OXR1: variants seen among roughly 807,000 people sequenced by gnomAD.
OXR1 encodes oxidation resistance 1, also known as oxidation resistance protein 1.
Under a neutral mutation model 104.6 loss-of-function variants are expected in OXR1, and 41 were observed. The observed-to-expected ratio is 0.39, with a 90% CI of 0.31 to 0.51. The LOEUF (loss-of-function observed/expected upper bound fraction) is 0.51, where lower values mean the gene tolerates loss of function less well. Among genes scored for constraint, OXR1 ranks in the 20% least tolerant of loss-of-function variants. The pLI, the probability that OXR1 is intolerant of heterozygous loss-of-function variation, is 0.77. For synonymous variants in OXR1, 348 were observed against 348.4 expected, an observed-to-expected ratio of 1.00 and a Z score of 0.01; for missense variants, 955 against 1,031.9, an observed-to-expected ratio of 0.93 and a Z score of 1.02.
chr8:106,493,155 G>A (rs1399885309), intron 2 of OXR1, among the ~76,000 whole-genome samples: 1 of 152,110 alleles, frequency 6.6e-6, no homozygotes, highest in Non-Finnish European at 1.5e-5. Flanking sequence ...TAGCTAACTG[G>A]TGGGGACCTT....
chr8:106,466,444 A>G (rs192813550), intron 2 of OXR1, among the ~76,000 whole-genome samples: 69 of 151,906 alleles, frequency 4.5e-4, no homozygotes, highest in African/African-American at 1.6e-3. Context: ...GTGTAGTTTG[A>G]TCATGCTCGT....
At chr8:106,495,371 T>C (rs1811347219) in intron 2 of OXR1, among the ~76,000 whole-genome samples, 1 of 152,060 alleles carries the variant, frequency 6.6e-6, no homozygotes, top group African/African-American at 2.4e-5. Flanking sequence ...ATTCTATAAA[T>C]AGAGAGAGAA....
chr8:106,716,972 G>A (rs1364649424), intron 11 of OXR1, among the ~76,000 whole-genome samples: 2 of 152,082 alleles, frequency 1.3e-5, no homozygotes, highest in African/African-American at 4.8e-5. Context: ...TGGATCACGA[G>A]GTCAGGAGTT....
intron 14 of OXR1, among the ~76,000 whole-genome samples, chr8:106,740,970 GA>G (rs1255990848): frequency 2.6e-5 from 4 of 152,082 alleles, no homozygotes; most frequent in African/African-American, 9.7e-5. Flanking sequence ...AAACTAATGA[GA>G]AGGTAAAATA....
chr8:106,288,590 A>AC (rs199531861), intron 1 of OXR1, among the ~76,000 whole-genome samples: 15,565 of 137,862 alleles, frequency 0.11, 2,353 homozygotes, highest in African/African-American at 0.35. Context: ...GTATATACAC[A>AC]CCATATATAT....
chr8:106,508,365 A>T (rs1812304632), intron 2 of OXR1, among the ~76,000 whole-genome samples: 1 of 152,162 alleles, frequency 6.6e-6, no homozygotes, highest in Non-Finnish European at 1.5e-5. Context: ...TTTTTTTCTG[A>T]ATAAAGTCTG....
At chr8:106,457,826 G>T (rs190327005) in intron 2 of OXR1, among the ~76,000 whole-genome samples, 32 of 152,272 alleles carry the variant, frequency 2.1e-4, no homozygotes, top group Non-Finnish European at 4.1e-4. Context: ...TGGCTGAATT[G>T]TGTCCGTGCC....
chr8:106,538,547 A>G (rs1814719423), intron 3 of OXR1, among the ~76,000 whole-genome samples: 1 of 152,082 alleles, frequency 6.6e-6, no homozygotes, highest in African/African-American at 2.4e-5. Context: ...TTTATTGCTC[A>G]TTCATAATTC....
chr8:106,630,223 AT>A (rs1335806739), intron 3 of OXR1, among the ~76,000 whole-genome samples: 3 of 152,188 alleles, frequency 2.0e-5, no homozygotes, highest in African/African-American at 7.2e-5. Context: ...CCGTTTCTTT[AT>A]CTGCAATGTG....
intron 3 of OXR1, among the ~76,000 whole-genome samples, chr8:106,521,575 C>T (rs370747204): frequency 3.9e-4 from 60 of 152,178 alleles, no homozygotes; most frequent in African/African-American, 1.3e-3. Flanking sequence ...TTCAGTGGTG[C>T]GATCTCGGCT....
Position 106,657,867 on chromosome 8 carries a change from C to G in OXR1, c.221-21343C>G, listed in dbSNP as rs1477278629. 4.8e-6 allele frequency: 6 copies of G among 1,241,302 alleles called. No individual in the cohort carries two copies. In the South Asian group the frequency reaches 2.5e-4, roughly 53 times the overall value. The allele number at this position is 1,241,302 out of a possible 1,614,324, so 76.9% of individuals were successfully genotyped here. A position where few individuals can be genotyped will look rare whatever the true frequency, so the allele number is the denominator to read the frequency against. The stretch of plus-strand genomic sequence containing the variant: ...CTCCTCCTCCCCGCCTCTTGTGAGG[C>G]GCGCGGAGCCGCCTCCCCTGGGTCA... On this transcript the variant is annotated intron_variant, in intron 3 of 16. Coordinates refer to ENST00000517566, the MANE Select transcript of OXR1 (RefSeq NM_001198533.2).
At chr8:106,739,674 G>A in intron 13 of OXR1, 91 bp downstream of exon 13, 2 of 1,205,508 alleles carry the variant, frequency 1.7e-6, no homozygotes, top group South Asian at 2.7e-5. Flanking sequence ...TGAAGCAACA[G>A]CGTTAATGCT....
intron 2 of OXR1, among the ~76,000 whole-genome samples, chr8:106,448,533 T>C (rs905835895): frequency 2.6e-5 from 4 of 152,262 alleles, no homozygotes; most frequent in African/African-American, 9.6e-5. Context: ...TTTAAAATAA[T>C]CTAAAATTAC....
chr8:106,504,550 A>G (rs887119889), intron 2 of OXR1, among the ~76,000 whole-genome samples: 1 of 152,204 alleles, frequency 6.6e-6, no homozygotes, highest in African/African-American at 2.4e-5. Context: ...ATTGTTTATC[A>G]TTTACTTAAT....
At chr8:106,673,237 T>C (rs1447647650) in intron 3 of OXR1, among the ~76,000 whole-genome samples, 2 of 152,102 alleles carry the variant, frequency 1.3e-5, no homozygotes, top group Non-Finnish European at 2.9e-5. Context: ...CAGATGGAGA[T>C]GAGGAATTTG....
At chr8:106,376,903 T>C (rs892079198) in intron 2 of OXR1, among the ~76,000 whole-genome samples, 1 of 152,238 alleles carries the variant, frequency 6.6e-6, no homozygotes, top group Non-Finnish European at 1.5e-5. Context: ...TTTTGGACTC[T>C]TCTAATTAAT....
At chr8:106,630,214 C>T (rs1020975869) in intron 3 of OXR1, among the ~76,000 whole-genome samples, 2 of 152,146 alleles carry the variant, frequency 1.3e-5, no homozygotes, top group East Asian at 1.9e-4. Context: ...CTTTAGCTTC[C>T]GTTTCTTTAT....
chr8:106,560,569 G>A (rs1350161892), intron 3 of OXR1, among the ~76,000 whole-genome samples: 2 of 152,160 alleles, frequency 1.3e-5, no homozygotes, highest in Admixed American at 6.5e-5. Flanking sequence ...CTGAGCAGGG[G>A]TGCTGACCTG....
intron 1 of OXR1, among the ~76,000 whole-genome samples, chr8:106,333,544 A>C (rs1052848571): frequency 2.0e-5 from 3 of 152,102 alleles, no homozygotes; most frequent in African/African-American, 7.2e-5. Flanking sequence ...CTTATCAAAA[A>C]ATATTTCTCT....
Sources: gnomAD v4.1 joint callset for allele counts (sites outside exome capture counted in the v4.1 genomes callset) on GRCh38, gnomAD v4.1.1 for gene constraint, MANE v1.5 for transcripts, NCBI Gene and HGNC (gene_info 2026-07-23, HGNC 2026-07-21) for gene names.